Variants in FRK observed in about 807,000 individuals in gnomAD.
FRK encodes fyn related Src family tyrosine kinase.
In FRK, 51 loss-of-function variants were observed where a neutral mutation model predicts 56.4. The ratio of observed to expected loss-of-function variants is 0.90; its 90% confidence interval spans 0.72 to 1.14. FRK has a LOEUF of 1.14. Among genes scored for constraint, FRK ranks in the 50% most tolerant of loss-of-function variants. The pLI, the probability that FRK is intolerant of heterozygous loss-of-function variation, is 0.00. For missense variants in FRK, 570 were observed against 601.4 expected, an observed-to-expected ratio of 0.95 and a Z score of 0.55; for synonymous variants, 245 against 217.9, an observed-to-expected ratio of 1.12 and a Z score of -1.10.
At chr6:115,973,571 A>T (rs1039456527) in intron 2 of FRK, among the ~76,000 whole-genome samples, 6 of 152,172 alleles carry the variant, frequency 3.9e-5, no homozygotes, top group African/African-American at 1.4e-4. Context: ...AAAAATTTTT[A>T]AAAAAAGCCA....
intron 1 of FRK, among the ~76,000 whole-genome samples, chr6:116,033,621 A>C (rs556736126): frequency 6.6e-6 from 1 of 152,292 alleles, no homozygotes; most frequent in Non-Finnish European, 1.5e-5. Context: ...GCCAAGGAAA[A>C]AGAAATGAGG....
chr6:116,023,674 T>C (rs965879550), intron 1 of FRK, among the ~76,000 whole-genome samples: 33 of 152,240 alleles, frequency 2.2e-4, no homozygotes, highest in Non-Finnish European at 2.8e-4. Flanking sequence ...ATGTTCTACA[T>C]TGGGAGCAGC....
At chr6:116,057,138 G>A (rs1448268397) in intron 1 of FRK, among the ~76,000 whole-genome samples, 1 of 152,102 alleles carries the variant, frequency 6.6e-6, no homozygotes, top group Non-Finnish European at 1.5e-5. Context: ...CATTAAACTG[G>A]TCTAATTAGG....
intron 1 of FRK, among the ~76,000 whole-genome samples, chr6:116,011,436 G>C (rs752637665): frequency 1.3e-5 from 2 of 151,020 alleles, no homozygotes; most frequent in Non-Finnish European, 2.9e-5. Flanking sequence ...ACTATAGACA[G>C]ATCCTAAAAA....
At chr6:116,096,953 A>C in the FRK span, among the ~76,000 whole-genome samples, 1 of 152,220 alleles carries the variant, frequency 6.6e-6, no homozygotes, top group Non-Finnish European at 1.5e-5. Context: ...AACTACGGAC[A>C]CAAAAGGACT....
At chr6:115,996,343 C>T (rs1354011028) in intron 2 of FRK, among the ~76,000 whole-genome samples, 1 of 152,058 alleles carries the variant, frequency 6.6e-6, no homozygotes, top group Non-Finnish European at 1.5e-5. Flanking sequence ...GACTGAGTCA[C>T]ATTCGAATGA....
intron 1 of FRK, among the ~76,000 whole-genome samples, chr6:116,023,323 A>AG (rs1409566203): frequency 2.0e-5 from 3 of 152,220 alleles, no homozygotes; most frequent in Admixed American, 1.3e-4. Flanking sequence ...TATGGCCACA[A>AG]GTAGACTTGC....
rs896100140 is a variant in FRK, at chr6:115,939,325, A to C, written c.*3089T>G. 5.3e-5 allele frequency: 8 copies of C among 152,176 alleles called. No homozygotes were observed. The highest frequency in any genetic ancestry group is 1.2e-4 in the Non-Finnish European group (8 of 68,030). 9.4% of individuals were successfully genotyped at this position (152,176 alleles called of 1,614,324 possible). A position where few individuals can be genotyped will look rare whatever the true frequency, so the allele number is the denominator to read the frequency against. On this transcript the variant is annotated 3_prime_UTR_variant, in exon 8 of 8. Transcript: ENST00000606080. ...CTCTCAATAAACTAGGTATTGATGG[A>C]ACGTAGCTCAAAAAAAATGACAGAT... is the stretch of plus-strand genomic sequence containing the variant.
intron 1 of FRK, among the ~76,000 whole-genome samples, chr6:116,023,733 G>A (rs192377521): frequency 7.9e-5 from 12 of 152,144 alleles, no homozygotes; most frequent in African/African-American, 2.4e-4. Context: ...AGGTTTAGGC[G>A]TTCGAAGCCA....
intron 5 of FRK, among the ~76,000 whole-genome samples, chr6:115,946,385 T>C (rs1466694728): frequency 2.0e-5 from 3 of 152,192 alleles, no homozygotes; most frequent in African/African-American, 7.2e-5. Flanking sequence ...GTATTCGTTG[T>C]TAAAATGAGA....
the FRK span, among the ~76,000 whole-genome samples, chr6:116,094,637 A>G: frequency 6.6e-6 from 1 of 152,260 alleles, no homozygotes; most frequent in Non-Finnish European, 1.5e-5. Flanking sequence ...CAAAAACCCA[A>G]AGAGGTGGCA....
intron 2 of FRK, among the ~76,000 whole-genome samples, chr6:115,974,236 C>T (rs1212107941): frequency 6.6e-6 from 1 of 152,118 alleles, no homozygotes; most frequent in African/African-American, 2.4e-5. Context: ...TAGTGCACCA[C>T]AAAAGATCTA....
chr6:116,071,152 C>T, the FRK span, among the ~76,000 whole-genome samples: 11 of 152,170 alleles, frequency 7.2e-5, no homozygotes, highest in Non-Finnish European at 1.0e-4. Flanking sequence ...TAAACATGGT[C>T]AGTATATAAT....
chr6:116,100,338 G>A, the FRK span, among the ~76,000 whole-genome samples: 1 of 152,236 alleles, frequency 6.6e-6, no homozygotes, highest in Admixed American at 6.5e-5. Context: ...GGAAACCAAG[G>A]AATATAAAGT....
chr6:116,035,240 G>A (rs190951826), intron 1 of FRK, among the ~76,000 whole-genome samples: 25 of 151,992 alleles, frequency 1.6e-4, no homozygotes, highest in Non-Finnish European at 3.2e-4. Flanking sequence ...GTTTGCTGCT[G>A]CTTGGCCTTC....
chr6:116,059,665 TGA>T (rs1777542966), intron 1 of FRK, among the ~76,000 whole-genome samples: 1 of 152,202 alleles, frequency 6.6e-6, no homozygotes, highest in Non-Finnish European at 1.5e-5. Context: ...AAGTGAGGCA[TGA>T]GTTATTTTAC....
rs1582619814 is a variant in FRK, at chr6:115,932,755, G to A, written c.*9659C>T. 6.6e-6 allele frequency: 1 copy of A among 152,174 alleles called. No individual in the cohort carries two copies. Among genetic ancestry groups the A allele is most frequent in the South Asian group, 2.1e-4 (1 of 4,828 alleles). 9.4% of individuals were successfully genotyped at this position (152,174 alleles called of 1,614,324 possible). Reference sequence around the variant, plus strand: ...ACCAGCTGGGCTCTGCTTCCTTCAGGAAGCTCCAGCTGGGTAGTGGTATGG... The same window carrying A: ...ACCAGCTGGGCTCTGCTTCCTTCAGAAAGCTCCAGCTGGGTAGTGGTATGG... On this transcript the variant is annotated 3_prime_UTR_variant, in exon 8 of 8. Coordinates refer to ENST00000606080, the MANE Select transcript of FRK (RefSeq NM_002031.3).
chr6:116,003,086 C>T (rs549830336), intron 2 of FRK, among the ~76,000 whole-genome samples: 96 of 152,212 alleles, frequency 6.3e-4, no homozygotes, highest in Admixed American at 3.3e-4. Context: ...GGAAGCAAAG[C>T]CTCTCCCTCC....
At chr6:116,075,516 C>T in the FRK span, among the ~76,000 whole-genome samples, 2 of 142,836 alleles carry the variant, frequency 1.4e-5, no homozygotes, top group African/African-American at 2.6e-5. Flanking sequence ...GAAGTTGGTA[C>T]AAAGACTTTT....
Sources: allele counts gnomAD v4.1 joint callset (sites outside exome capture counted in the v4.1 genomes callset), GRCh38; gene constraint gnomAD v4.1.1; transcripts MANE v1.5; gene names NCBI Gene and HGNC (gene_info 2026-07-23, HGNC 2026-07-21).